Variants in EEF2K observed in about 807,000 individuals in gnomAD.
The protein encoded by EEF2K is alternative protein EEF2K.
A neutral mutation model predicts 93.8 loss-of-function variants in EEF2K; 70 were observed. The observed-to-expected ratio is 0.75, with a 90% CI of 0.62 to 0.91. The LOEUF (loss-of-function observed/expected upper bound fraction) is 0.91, where lower values mean the gene tolerates loss of function less well. EEF2K is among the 40% of genes least tolerant of loss of function. The pLI is 0.00. For synonymous variants in EEF2K, 376 were observed against 380.8 expected (o/e 0.99, Z 0.15); for missense variants, 935 against 972.9 (o/e 0.96, Z 0.52).
rs377653714 is a variant in EEF2K at position 22,251,178 on chromosome 16, C to T, written c.474C>T (p.Ala158=). The T allele has an allele frequency of 8.7e-6, 14 of 1,613,936 alleles. No homozygotes were observed. The African/African-American group carries it at 1.7e-4, about 20-fold the overall frequency. The change falls in exon 6 of 18, where the codon GCC becomes GCT. Residue 158 remains alanine, a synonymous_variant. Transcript: ENST00000263026. ...RTKKLSNFLH[A]QQWKGASNYV... ...AGAAGCTCTCCAACTTCTTGCATGCCCAGCAGTGGAAGGGCGCCTCCAACT... is the reference window on the plus strand; with the variant it reads ...AGAAGCTCTCCAACTTCTTGCATGCTCAGCAGTGGAAGGGCGCCTCCAACT...
chr16:22,264,862 C>T lies in EEF2K; in HGVS notation c.1422C>T (p.Ser474=), dbSNP rs751870247. Residue 474 remains serine, a synonymous_variant, in exon 13 of 18, where the codon AGC becomes AGT. Transcript: ENST00000263026. The part of the protein sequence containing the change: ...SNRKYESDED[S]LGSSGRVCVE... ...GGAAGTACGAGTCTGACGAAGACAG[C>T]CTGGGCAGCTCTGGACGGGTAATGC... is the stretch of plus-strand genomic sequence containing the variant. 7.3e-5 allele frequency: 118 copies of T among 1,613,886 alleles called. 1 individual carries two copies. Among genetic ancestry groups the T allele is most frequent in the Middle Eastern group, 3.3e-4 (2 of 6,082 alleles).
At chr16:22,222,926 T>C (rs1470055379) in intron 1 of EEF2K, among the ~76,000 whole-genome samples, 1 of 151,992 alleles carries the variant, frequency 6.6e-6, no homozygotes, top group Non-Finnish European at 1.5e-5. Context: ...CATAGTCATA[T>C]AGCCACAGTC....
At chr16:22,208,080 T>C (rs551390324) in intron 1 of EEF2K, among the ~76,000 whole-genome samples, 1 of 152,210 alleles carries the variant, frequency 6.6e-6, no homozygotes, top group East Asian at 1.9e-4. Flanking sequence ...ATGGCTGGGA[T>C]TGGCGTCCGC....
At position 22,266,763 on chromosome 16, in the gene EEF2K, G is replaced by A. The variant is rs1275163983; in HGVS notation, c.1651G>A (p.Ala551Thr). The A allele has an allele frequency of 6.2e-7, 1 of 1,614,104 alleles. No individual in the cohort carries two copies. The highest frequency in any genetic ancestry group is 1.3e-5 in the African/African-American group (1 of 74,946). Residue 551 changes from alanine to threonine, a missense_variant, in exon 15 of 18, where the codon GCT (alanine) becomes ACT (threonine). Ala to Thr is a moderately conservative substitution (Grantham distance 58). Coordinates refer to ENST00000263026, the MANE Select transcript of EEF2K (RefSeq NM_013302.5). ...GGGCGAGGAGTGGGACCAGGAGTCGGCTGTCTTCCACCTGGAGCACGCAGC... is the reference window on the plus strand; with the variant it reads ...GGGCGAGGAGTGGGACCAGGAGTCGACTGTCTTCCACCTGGAGCACGCAGC... ...EKGEEWDQES[A>T]VFHLEHAANL...
chr16:22,238,219 G>A (rs761041048), intron 2 of EEF2K, among the ~76,000 whole-genome samples: 1 of 152,100 alleles, frequency 6.6e-6, no homozygotes, highest in Admixed American at 6.6e-5. Flanking sequence ...CCCAGGAGAC[G>A]GAGGTTGCAG....
intron 4 of EEF2K, 115 bp downstream of exon 4, chr16:22,248,930 G>A (rs1174577825): frequency 9.1e-6 from 10 of 1,098,700 alleles, no homozygotes; most frequent in African/African-American, 4.8e-5. Context: ...TTGTAACTTC[G>A]GGGGATTCTT....
At chr16:22,233,449 C>G (rs2047135733) in intron 2 of EEF2K, among the ~76,000 whole-genome samples, 2 of 151,488 alleles carry the variant, frequency 1.3e-5, no homozygotes, top group Non-Finnish European at 2.9e-5. Context: ...GCGGCCGAGG[C>G]AGGTAGATCA....
chr16:22,274,612 A>C (rs1252912217), intron 16 of EEF2K, among the ~76,000 whole-genome samples: 1 of 151,892 alleles, frequency 6.6e-6, no homozygotes, highest in Non-Finnish European at 1.5e-5. Flanking sequence ...TTTCCTACTT[A>C]TTATTATATT....
intron 1 of EEF2K, among the ~76,000 whole-genome samples, chr16:22,212,240 G>A (rs1454868535): frequency 6.6e-6 from 1 of 152,124 alleles, no homozygotes; most frequent in Non-Finnish European, 1.5e-5. Context: ...ATATTTTTAC[G>A]AGCCTTTAGC....
chr16:22,249,135 A>T (rs1287898913), intron 4 of EEF2K, among the ~76,000 whole-genome samples: 1 of 151,800 alleles, frequency 6.6e-6, no homozygotes, highest in African/African-American at 2.4e-5. Context: ...ACTCCTGGCT[A>T]ATTTTTTTAT....
At chr16:22,238,507 A>T (rs2047190388) in intron 2 of EEF2K, among the ~76,000 whole-genome samples, 1 of 151,930 alleles carries the variant, frequency 6.6e-6, no homozygotes, top group African/African-American at 2.4e-5. Flanking sequence ...TTAGCTGGGC[A>T]TGATGGTGAG....
chr16:22,267,630 C>T (rs528777514), intron 15 of EEF2K, among the ~76,000 whole-genome samples: 9 of 151,530 alleles, frequency 5.9e-5, no homozygotes, highest in East Asian at 5.8e-4. Context: ...TATCTGCTTT[C>T]GACCTGAAGG....
chr16:22,233,895 G>A (rs570806991), intron 2 of EEF2K, among the ~76,000 whole-genome samples: 1 of 152,280 alleles, frequency 6.6e-6, no homozygotes, highest in South Asian at 2.1e-4. Context: ...GGGACCACAG[G>A]CATGCACCAC....
At chr16:22,273,202 G>C (rs2047602305) in intron 15 of EEF2K, among the ~76,000 whole-genome samples, 1 of 152,224 alleles carries the variant, frequency 6.6e-6, no homozygotes, top group African/African-American at 2.4e-5. Flanking sequence ...GCTGAGATTA[G>C]CAGCTTAGGG....
intron 10 of EEF2K, 28 bp downstream of exon 10, chr16:22,258,723 T>C: frequency 6.2e-7 from 1 of 1,613,618 alleles, no homozygotes; most frequent in Non-Finnish European, 8.5e-7. Flanking sequence ...CCCTAGTCAC[T>C]GTGATTGGAG....
rs777018170 is a variant in EEF2K at position 22,260,431 on chromosome 16, C to T, written c.1232-31C>T. ...CTTATGCATGTTCCAGTAGTGGAACCAGGACATGATGTCTGTTTCTCCCTG... is the reference window on the plus strand; with the variant it reads ...CTTATGCATGTTCCAGTAGTGGAACTAGGACATGATGTCTGTTTCTCCCTG... On this transcript the variant is annotated intron_variant, in intron 10 of 17. Coordinates refer to ENST00000263026, the MANE Select transcript of EEF2K (RefSeq NM_013302.5). 4 of 1,613,660 alleles carry T rather than the reference C, an allele frequency of 2.5e-6. 1 individual carries two copies. Among genetic ancestry groups the T allele is most frequent in the Middle Eastern group, 3.3e-4 (2 of 6,084 alleles).
intron 1 of EEF2K, among the ~76,000 whole-genome samples, chr16:22,208,517 G>A (rs1180827077): frequency 6.6e-6 from 1 of 152,152 alleles, no homozygotes; most frequent in African/African-American, 2.4e-5. Flanking sequence ...GCAACAAAGC[G>A]AGACTCTGTC....
Position 22,243,922 on chromosome 16 carries a change from C to CAA in EEF2K, c.247-688_247-687dup, listed in dbSNP as rs1011054825. Among the ~76,000 whole-genome samples the CAA allele has an allele frequency of 4.3e-3, 268 of 61,900 alleles. 3 individuals carry two copies. The highest frequency in any genetic ancestry group is 0.011 in the African/African-American group (165 of 15,608). The allele number at this position is 61,900 out of a possible 152,430, so 40.6% of individuals were successfully genotyped here. A position where few individuals can be genotyped will look rare whatever the true frequency, so the allele number is the denominator to read the frequency against. ...TCGGCGACAAAGTAAGACCCTGTCTCAAAAAAAAAAAAAAAAAAAAAGAGG... is the reference window on the plus strand; with the variant it reads ...TCGGCGACAAAGTAAGACCCTGTCTCAAAAAAAAAAAAAAAAAAAAAAAGAGG... On this transcript the variant is annotated intron_variant, in intron 2 of 17. Transcript: ENST00000263026.
At chr16:22,247,758 A>G (rs2047309714) in intron 3 of EEF2K, among the ~76,000 whole-genome samples, 1 of 152,286 alleles carries the variant, frequency 6.6e-6, no homozygotes, top group Admixed American at 6.5e-5. Context: ...CGTGTCACAT[A>G]AAACTGGTTG....
Sources: allele counts gnomAD v4.1 joint callset (sites outside exome capture counted in the v4.1 genomes callset), GRCh38; gene constraint gnomAD v4.1.1; transcripts MANE v1.5; gene names NCBI Gene and HGNC (gene_info 2026-07-23, HGNC 2026-07-21).